AGBL4: variants seen among roughly 807,000 people sequenced by gnomAD.
The protein encoded by AGBL4 is AGBL carboxypeptidase 4, also known as cytosolic carboxypeptidase 6.
Under a neutral mutation model 66.4 loss-of-function variants are expected in AGBL4, and 58 were observed. The ratio of observed to expected loss-of-function variants is 0.87; its 90% CI spans 0.71 to 1.09. The LOEUF (loss-of-function observed/expected upper bound fraction) is 1.09. AGBL4 is among the 50% of genes least tolerant of loss of function. The probability of loss-of-function intolerance (pLI) is 0.00; values close to 1 mark genes in which losing one functional copy is unlikely to be tolerated. For synonymous variants in AGBL4, 234 were observed against 222.9 expected (o/e 1.05, Z -0.44); for missense variants, 579 against 631.0 (o/e 0.92, Z 0.88).
intron 11 of AGBL4, among the ~76,000 whole-genome samples, chr1:48,556,442 A>G (rs1029367108): frequency 5.9e-5 from 9 of 152,174 alleles, no homozygotes; most frequent in African/African-American, 2.2e-4. Flanking sequence ...CCATTTTAGT[A>G]ACTATAAGAA....
At chr1:49,138,987 G>A (rs1646065724) in intron 4 of AGBL4, among the ~76,000 whole-genome samples, 1 of 152,068 alleles carries the variant, frequency 6.6e-6, no homozygotes, top group Admixed American at 6.6e-5. Context: ...GGCAAAAAAG[G>A]GGAAGCAAGC....
At position 49,045,526 on chromosome 1, in the gene AGBL4, C is replaced by T. The variant is rs531894893; in HGVS notation, c.594+58G>A. ...CATTGCATAAAAACCCGTGTTAAGT[C>T]CCTATCCCAAGTTTGCCTGTTTCCA... On this transcript the variant is annotated intron_variant, in intron 5 of 13. Coordinates refer to ENST00000371839, the MANE Select transcript of AGBL4 (RefSeq NM_032785.4). The T allele has an allele frequency of 1.5e-5, 23 of 1,487,080 alleles. No homozygotes were observed. In the African/African-American group the frequency reaches 2.8e-4, roughly 18 times the overall value. The allele number at this position is 1,487,080 out of a possible 1,614,324, so 92.1% of individuals were successfully genotyped here. A position where few individuals can be genotyped will look rare whatever the true frequency, so the allele number is the denominator to read the frequency against.
Position 49,623,189 on chromosome 1 carries a change from G to A in AGBL4, c.282+74124C>T, listed in dbSNP as rs182087909. 4.7e-4 allele frequency among the ~76,000 whole-genome samples: 71 copies of A among 152,224 alleles called. No homozygotes were observed. The East Asian group carries it at 0.01, about 22-fold the overall frequency. On this transcript the variant is annotated intron_variant, in intron 3 of 13. Transcript: ENST00000371839. ...AGAAGTTATGCAGCTGCTGGTGATC[G>A]CTCCACAAAGGTTTGGAATTGCCCG...
chr1:49,812,469 T>C (rs1383032851), intron 2 of AGBL4, among the ~76,000 whole-genome samples: 3 of 152,148 alleles, frequency 2.0e-5, no homozygotes, highest in Non-Finnish European at 2.9e-5. Context: ...TTTACCTATA[T>C]ACATCAAAAA....
chr1:49,916,126 G>A (rs535735107), intron 1 of AGBL4, among the ~76,000 whole-genome samples: 3 of 152,264 alleles, frequency 2.0e-5, no homozygotes, highest in Non-Finnish European at 4.4e-5. Context: ...AAACCACAAA[G>A]ATGGGGAAAA....
rs184340279 is a variant in AGBL4, at chr1:49,281,731, T to C, written c.283-35867A>G. 3.9e-3 allele frequency among the ~76,000 whole-genome samples: 589 copies of C among 152,322 alleles called. 7 individuals carry two copies. The highest frequency in any genetic ancestry group is 0.014 in the African/African-American group (565 of 41,582). On this transcript the variant is annotated intron_variant, in intron 3 of 13. Coordinates refer to ENST00000371839, the MANE Select transcript of AGBL4 (RefSeq NM_032785.4). ...CATCACAATGGCCAATAATGAAGCA[T>C]CCAAAAGAAATCTTAAAAGGACAGG...
intron 1 of AGBL4, among the ~76,000 whole-genome samples, chr1:49,931,041 T>A (rs191541219): frequency 5.3e-5 from 8 of 152,206 alleles, no homozygotes; most frequent in Admixed American, 2.6e-4. Flanking sequence ...CTAGAAATAA[T>A]TAATGAGTAT....
chr1:49,038,911 G>A (rs952636637), intron 5 of AGBL4, among the ~76,000 whole-genome samples: 6 of 152,080 alleles, frequency 3.9e-5, no homozygotes, highest in Admixed American at 1.3e-4. Context: ...GATGTTTACA[G>A]CAGCTTTATC....
At chr1:48,669,574 G>T (rs1646243721) in intron 6 of AGBL4, among the ~76,000 whole-genome samples, 1 of 152,280 alleles carries the variant, frequency 6.6e-6, no homozygotes, top group East Asian at 1.9e-4. Context: ...TATTATACTT[G>T]ATTCAAACTG....
At chr1:49,494,814 G>A (rs970664814) in intron 3 of AGBL4, among the ~76,000 whole-genome samples, 3 of 151,860 alleles carry the variant, frequency 2.0e-5, no homozygotes, top group Non-Finnish European at 4.4e-5. Context: ...TGGGTCAAAT[G>A]GTATTTCTAG....
intron 2 of AGBL4, among the ~76,000 whole-genome samples, chr1:49,739,385 C>A (rs1650206875): frequency 6.6e-6 from 1 of 152,116 alleles, no homozygotes; most frequent in Non-Finnish European, 1.5e-5. Context: ...AACAAAGCCT[C>A]CAAGAAATAT....
intron 6 of AGBL4, among the ~76,000 whole-genome samples, chr1:48,665,773 T>TA (rs5774013): frequency 1.2e-3 from 177 of 151,938 alleles, no homozygotes; most frequent in African/African-American, 3.7e-3. Context: ...CTTTTTCACT[T>TA]AAAAAAAAAT....
chr1:48,794,396 C>A (rs1409707640), intron 6 of AGBL4, among the ~76,000 whole-genome samples: 1 of 152,174 alleles, frequency 6.6e-6, no homozygotes, highest in Non-Finnish European at 1.5e-5. Context: ...TCATCCCTGC[C>A]TCTCCTTCAA....
intron 3 of AGBL4, among the ~76,000 whole-genome samples, chr1:49,436,727 G>A (rs1235638681): frequency 6.6e-6 from 1 of 152,142 alleles, no homozygotes; most frequent in African/African-American, 2.4e-5. Context: ...CTTAGGAAAG[G>A]AAGGGGGTGT....
At chr1:49,597,721 A>T (rs1232354715) in intron 3 of AGBL4, among the ~76,000 whole-genome samples, 1 of 152,206 alleles carries the variant, frequency 6.6e-6, no homozygotes. Context: ...TATAAAAGTC[A>T]AGATCTCCTT....
chr1:49,016,833 T>C (rs2149015494), intron 5 of AGBL4, among the ~76,000 whole-genome samples: 1 of 152,300 alleles, frequency 6.6e-6, no homozygotes, highest in African/African-American at 2.4e-5. Flanking sequence ...CAATGTGCTT[T>C]GCAGTCCAGC....
intron 1 of AGBL4, among the ~76,000 whole-genome samples, chr1:49,930,410 A>G (rs1002904064): frequency 2.6e-5 from 4 of 152,102 alleles, no homozygotes; most frequent in Non-Finnish European, 4.4e-5. Flanking sequence ...CTCTACACAA[A>G]CTCTTTCAGA....
intron 6 of AGBL4, among the ~76,000 whole-genome samples, chr1:48,669,340 C>A (rs1646240271): frequency 6.6e-6 from 1 of 152,206 alleles, no homozygotes; most frequent in African/African-American, 2.4e-5. Flanking sequence ...GGTTCCTCAG[C>A]ATCAACCCTA....
At chr1:49,664,637 C>T (rs79566784) in intron 3 of AGBL4, among the ~76,000 whole-genome samples, 4,574 of 152,118 alleles carry the variant, frequency 0.03, 117 homozygotes, top group Non-Finnish European at 0.047. Context: ...GAAATTTCAA[C>T]GGTGCATAAT....
Sources: gnomAD v4.1 joint callset for allele counts (sites outside exome capture counted in the v4.1 genomes callset) on GRCh38, gnomAD v4.1.1 for gene constraint, MANE v1.5 for transcripts, NCBI Gene and HGNC (gene_info 2026-07-23, HGNC 2026-07-21) for gene names.